Variants in SCAI observed in about 807,000 individuals in gnomAD.
SCAI encodes protein SCAI.
A neutral mutation model predicts 92.2 loss-of-function variants in SCAI; 24 were observed. That is an observed-to-expected ratio of 0.26 (90% CI 0.19 to 0.37). SCAI has a LOEUF of 0.37. SCAI is among the 10% of genes least tolerant of loss of function. SCAI has a pLI of 1.00. For missense variants in SCAI, 450 were observed against 736.2 expected, an observed-to-expected ratio of 0.61 and a Z score of 4.50; for synonymous variants, 261 against 258.6, an observed-to-expected ratio of 1.01 and a Z score of -0.09.
chr9:124,965,136 G>C (rs1050702295), intron 17 of SCAI, among the ~76,000 whole-genome samples: 1 of 151,684 alleles, frequency 6.6e-6, no homozygotes, highest in Non-Finnish European at 1.5e-5. Context: ...ACCCTTTCTT[G>C]CCAGAATTTA....
rs150410803 is a variant in SCAI, at chr9:125,032,517, T to C, written c.231-2778A>G. Among the ~76,000 whole-genome samples the C allele has an allele frequency of 8.4e-3, 1,265 of 151,130 alleles. 7 individuals are homozygous for C. The highest frequency in any genetic ancestry group is 0.024 in the Middle Eastern group (7 of 292). On this transcript the variant is annotated intron_variant, in intron 3 of 17. Transcript: ENST00000336505. ...TCTGGTTAGCTTTCCTTTTGCACCA[T>C]TGGGATATCTTGCTATTGGTGTCAC...
At chr9:125,066,093 A>G (rs1278136658) in intron 2 of SCAI, 1 of 717,584 alleles carries the variant, frequency 1.4e-6, no homozygotes, top group Admixed American at 2.3e-5. Context: ...AAACAAAGAT[A>G]TAAGCTGTTA....
intron 3 of SCAI, among the ~76,000 whole-genome samples, chr9:125,040,464 T>C (rs893159829): frequency 2.0e-5 from 3 of 152,236 alleles, no homozygotes; most frequent in Non-Finnish European, 4.4e-5. Context: ...CTACATATAA[T>C]GTCCTGCAAC....
intron 14 of SCAI, among the ~76,000 whole-genome samples, chr9:124,978,383 G>A (rs1169042318): frequency 6.6e-6 from 1 of 152,174 alleles, no homozygotes. Context: ...GGAGGCTGCA[G>A]GGAGCCAAGA....
chr9:124,997,268 T>A (rs1832257558), intron 13 of SCAI, among the ~76,000 whole-genome samples: 1 of 152,164 alleles, frequency 6.6e-6, no homozygotes, highest in South Asian at 2.1e-4. Flanking sequence ...ACATAGTTTA[T>A]CCAGGATCTC....
chr9:125,021,960 T>C (rs1832878580), intron 6 of SCAI, among the ~76,000 whole-genome samples: 1 of 152,180 alleles, frequency 6.6e-6, no homozygotes, highest in Non-Finnish European at 1.5e-5. Context: ...CAACACACAC[T>C]TTATTGAACC....
At chr9:125,009,971 G>A (rs1436066438) in intron 9 of SCAI, among the ~76,000 whole-genome samples, 1 of 152,170 alleles carries the variant, frequency 6.6e-6, no homozygotes, top group Non-Finnish European at 1.5e-5. Flanking sequence ...AAGGTGCGCA[G>A]ATCACGAGGT....
At chr9:125,105,462 G>A (rs1834756924) in intron 2 of SCAI, among the ~76,000 whole-genome samples, 1 of 152,230 alleles carries the variant, frequency 6.6e-6, no homozygotes, top group Non-Finnish European at 1.5e-5. Context: ...CCAAGATCAA[G>A]TGTAGTATCT....
At chr9:124,988,924 G>A (rs552951613) in intron 14 of SCAI, among the ~76,000 whole-genome samples, 2 of 152,282 alleles carry the variant, frequency 1.3e-5, no homozygotes, top group African/African-American at 2.4e-5. Context: ...TGGATCACGA[G>A]GTCAGGAGTT....
Position 125,088,090 on chromosome 9 carries a change from CTGTTT to C in SCAI, c.99-32088_99-32084del, listed in dbSNP as rs754066884. Among the ~76,000 whole-genome samples the C allele has an allele frequency of 6.7e-4, 102 of 152,092 alleles. 1 individual carries two copies. The highest frequency in any genetic ancestry group is 1.8e-3 in the Admixed American group (28 of 15,262). ...TGATACGTCAATAGAATGGTCTCAA[CTGTTT>C]TGTTTTGTTTTGTTTTTTTTGAGAC... On this transcript the variant is annotated intron_variant, in intron 2 of 17. Transcript: ENST00000336505.
intron 2 of SCAI, among the ~76,000 whole-genome samples, chr9:125,097,564 T>G (rs1220874217): frequency 6.6e-6 from 1 of 151,876 alleles, no homozygotes; most frequent in Non-Finnish European, 1.5e-5. Context: ...CTTCAATATA[T>G]TAATACTTAA....
At chr9:124,977,532 A>G (rs1382742347) in intron 14 of SCAI, among the ~76,000 whole-genome samples, 2 of 152,014 alleles carry the variant, frequency 1.3e-5, no homozygotes, top group African/African-American at 4.8e-5. Context: ...AAATTAGCCA[A>G]ATGTGGTGGT....
intron 2 of SCAI, among the ~76,000 whole-genome samples, chr9:125,085,660 A>G (rs547889057): frequency 2.6e-5 from 4 of 152,316 alleles, no homozygotes; most frequent in Admixed American, 2.6e-4. Flanking sequence ...GCACACCTAT[A>G]GTCTCAGCTA....
In SCAI at chr9:125,120,522, G is replaced by A. The variant is rs949178712; in HGVS notation, c.98+22111C>T. On this transcript the variant is annotated intron_variant, in intron 2 of 17. Transcript: ENST00000336505. ...AGCCTGGCCAACATGGAGAAATCCCGTCTCTACTAAAAATACAAAAATTAG... is the reference window on the plus strand; with the variant it reads ...AGCCTGGCCAACATGGAGAAATCCCATCTCTACTAAAAATACAAAAATTAG... 3.3e-5 allele frequency among the ~76,000 whole-genome samples: 5 copies of A among 152,140 alleles called. No individual in the cohort carries two copies. In the South Asian group the frequency reaches 6.2e-4, roughly 19 times the overall value.
intron 6 of SCAI, among the ~76,000 whole-genome samples, chr9:125,024,604 G>A (rs1343303895): frequency 2.6e-5 from 4 of 152,086 alleles, no homozygotes; most frequent in Admixed American, 2.6e-4. Flanking sequence ...CAAACTTCTG[G>A]ACTCCAGAAT....
chr9:125,063,959 G>C (rs1833828544), intron 2 of SCAI, among the ~76,000 whole-genome samples: 1 of 152,004 alleles, frequency 6.6e-6, no homozygotes, highest in Non-Finnish European at 1.5e-5. Context: ...TCACCATATT[G>C]GCCAGGCTGA....
Position 125,143,038 on chromosome 9 carries a change from C to T in SCAI, c.53+347G>A, listed in dbSNP as rs868467469. Among the ~76,000 whole-genome samples the T allele has an allele frequency of 8.6e-4, 123 of 142,664 alleles. 1 individual carries two copies. Among genetic ancestry groups the T allele is most frequent in the African/African-American group, 3.0e-3 (118 of 39,188 alleles). The allele number at this position is 142,664 out of a possible 152,430, so 93.6% of individuals were successfully genotyped here. A position where few individuals can be genotyped will look rare whatever the true frequency, so the allele number is the denominator to read the frequency against. On this transcript the variant is annotated intron_variant, in intron 1 of 17. Transcript: ENST00000336505. Reference sequence around the variant, plus strand: ...CTCCCCTTTCCTGTGCCCACCCGTTCCCGACCGTGCACTGCCCCCTCCACG... The same window carrying T: ...CTCCCCTTTCCTGTGCCCACCCGTTTCCGACCGTGCACTGCCCCCTCCACG...
At chr9:125,039,264 G>A (rs1833265567) in intron 3 of SCAI, among the ~76,000 whole-genome samples, 1 of 151,898 alleles carries the variant, frequency 6.6e-6, no homozygotes, top group Admixed American at 6.6e-5. Flanking sequence ...GCATGCGTCT[G>A]CAGTCCCAGC....
chr9:124,957,549 T>G (rs1271135190), intron 17 of SCAI, among the ~76,000 whole-genome samples: 1 of 148,276 alleles, frequency 6.7e-6, no homozygotes, highest in African/African-American at 2.5e-5. Context: ...TTTTTGTATT[T>G]TTAGTAAAGA....
Sources: gnomAD v4.1 joint callset for allele counts (sites outside exome capture counted in the v4.1 genomes callset) on GRCh38, gnomAD v4.1.1 for gene constraint, MANE v1.5 for transcripts, NCBI Gene and HGNC (gene_info 2026-07-23, HGNC 2026-07-21) for gene names.